Variants in LNPEP observed in about 807,000 individuals in gnomAD.
LNPEP encodes leucyl and cystinyl aminopeptidase.
In LNPEP, 64 loss-of-function variants were observed where a neutral mutation model predicts 120.6. The ratio of observed to expected loss-of-function variants is 0.53; its 90% CI spans 0.43 to 0.65. LNPEP has a LOEUF of 0.65. LNPEP is among the 30% of genes least tolerant of loss of function. LNPEP has a pLI of 0.00. For synonymous variants in LNPEP, 435 were observed against 425.4 expected, an observed-to-expected ratio of 1.02 and a Z score of -0.28; for missense variants, 1,057 against 1,200.0, an observed-to-expected ratio of 0.88 and a Z score of 1.76.
intron 11 of LNPEP, among the ~76,000 whole-genome samples, chr5:97,008,666 T>C (rs1790850587): frequency 1.5e-5 from 2 of 136,748 alleles, no homozygotes. Flanking sequence ...TTTACTCTTT[T>C]TTTTTTTTTT....
intron 1 of LNPEP, among the ~76,000 whole-genome samples, chr5:96,958,120 G>A (rs1186334350): frequency 6.6e-6 from 1 of 152,302 alleles, no homozygotes; most frequent in African/African-American, 2.4e-5. Context: ...AAAGGAAATG[G>A]AACAATATTA....
In LNPEP at chr5:97,006,446, C is replaced by G; in HGVS notation, c.1966C>G (p.Leu656Val). 6.3e-7 allele frequency: 1 copy of G among 1,574,972 alleles called. No homozygotes were observed. Among genetic ancestry groups the G allele is most frequent in the Non-Finnish European group, 8.7e-7 (1 of 1,146,642 alleles). Reference protein sequence around the residue: ...SDTSYLWHIPLSYVTEGRNYS... With the variant: ...SDTSYLWHIPVSYVTEGRNYS... ...TTACAGCTACCTGTGGCATATTCCA[C>G]TATCCTATGTCACTGAAGGAAGAAA... is the stretch of plus-strand genomic sequence containing the variant. The change falls in exon 11 of 18, where the codon CTA (leucine) becomes GTA (valine). Residue 656 changes from leucine (L) to valine (V), a missense_variant. Transcript: ENST00000231368.
chr5:97,027,872 G>A, intron 17 of LNPEP, 58 bp downstream of exon 17: 3 of 1,016,384 alleles, frequency 3.0e-6, no homozygotes, highest in Non-Finnish European at 4.7e-6. Flanking sequence ...ACCCGGACCA[G>A]GCTGCTCAGT....
chr5:96,995,327 C>T (rs17531068), intron 6 of LNPEP, among the ~76,000 whole-genome samples: 5,720 of 152,190 alleles, frequency 0.038, 187 homozygotes, highest in Middle Eastern at 0.11. Context: ...CTCGTCCTTT[C>T]GCTGCTGATT....
intron 1 of LNPEP, chr5:96,936,613 G>C (rs1268993984): frequency 1.3e-5 from 2 of 154,458 alleles, no homozygotes; most frequent in African/African-American, 2.4e-5. Flanking sequence ...GTGAGCTGCC[G>C]GCGTGACTTT....
chr5:96,994,168 A>G (rs1790454557), intron 6 of LNPEP, among the ~76,000 whole-genome samples, 197 bp downstream of exon 6: 1 of 152,172 alleles, frequency 6.6e-6, no homozygotes, highest in Non-Finnish European at 1.5e-5. Flanking sequence ...AGGTTAAAGC[A>G]TTTTCACATC....
Position 96,979,692 on chromosome 5 carries a change from G to T in LNPEP, c.574G>T (p.Gly192Cys). Reference sequence around the variant, plus strand: ...GAACCTAACCTCGATGACATTCAGGGGTTCTGTGACAATTTCAGTTCAGGC... The same window carrying T: ...GAACCTAACCTCGATGACATTCAGGTGTTCTGTGACAATTTCAGTTCAGGC... ...HPNLTSMTFR[G>C]SVTISVQALQ... The change falls in exon 2 of 18, where the codon GGT (glycine) becomes TGT (cysteine). Residue 192 changes from glycine to cysteine, a missense_variant. Gly to Cys is a radical substitution (Grantham distance 159). Transcript: ENST00000231368. The T allele has an allele frequency of 6.2e-7, 1 of 1,613,984 alleles. No individual in the cohort carries two copies. Among genetic ancestry groups the T allele is most frequent in the South Asian group, 1.1e-5 (1 of 91,076 alleles).
chr5:97,000,705 G>A (rs1790628815), intron 8 of LNPEP, among the ~76,000 whole-genome samples: 1 of 152,162 alleles, frequency 6.6e-6, no homozygotes, highest in East Asian at 1.9e-4. Context: ...TTTGTGCCTG[G>A]TTTCCTCTGG....
intron 1 of LNPEP, chr5:96,936,479 TGGCAGCTCA>T (rs1461888168): frequency 3.3e-6 from 1 of 307,560 alleles, no homozygotes; most frequent in African/African-American, 2.2e-5. Flanking sequence ...GTGGGAAAGT[TGGCAGCTCA>T]GGTTTGCCCC....
At chr5:96,954,747 CACATAT>C (rs1789411248) in intron 1 of LNPEP, among the ~76,000 whole-genome samples, 1 of 43,086 alleles carries the variant, frequency 2.3e-5, no homozygotes, top group African/African-American at 1.0e-4. Flanking sequence ...TATATATATA[CACATAT>C]ATATATATAT....
At chr5:96,972,352 T>C (rs1170251237) in intron 1 of LNPEP, among the ~76,000 whole-genome samples, 1 of 152,142 alleles carries the variant, frequency 6.6e-6, no homozygotes, top group African/African-American at 2.4e-5. Context: ...TTTCTAGTGT[T>C]TCAAGCTGAT....
chr5:96,988,339 C>CTCT, intron 4 of LNPEP, among the ~76,000 whole-genome samples: 1 of 125,202 alleles, frequency 8.0e-6, no homozygotes, highest in African/African-American at 3.1e-5. Context: ...TTTTTCTTTT[C>CTCT]TTTTTTTTTT....
At chr5:96,958,377 A>G (rs780829776) in intron 1 of LNPEP, 1 of 608,784 alleles carries the variant, frequency 1.6e-6, no homozygotes, top group Non-Finnish European at 2.1e-6. Context: ...TTCTTCATCT[A>G]TTTTGCAAGT....
chr5:96,944,033 G>A lies in LNPEP; in HGVS notation c.19+7859G>A, dbSNP rs114330041. ...CAGTGAGAAAAGGATGCCTCTATGGGTTGGGTGTGCTCCCTTCCTCTTGCA... is the reference window on the plus strand; with the variant it reads ...CAGTGAGAAAAGGATGCCTCTATGGATTGGGTGTGCTCCCTTCCTCTTGCA... On this transcript the variant is annotated intron_variant, in intron 1 of 17. Transcript: ENST00000231368. Among the ~76,000 whole-genome samples the A allele has an allele frequency of 4.2e-3, 636 of 152,288 alleles. 9 individuals carry two copies. Among genetic ancestry groups the A allele is most frequent in the African/African-American group, 0.014 (591 of 41,564 alleles).
chr5:97,020,756 C>T (rs1362622741), intron 13 of LNPEP, among the ~76,000 whole-genome samples: 2 of 152,028 alleles, frequency 1.3e-5, no homozygotes, highest in African/African-American at 4.8e-5. Flanking sequence ...GAGCTGAGAT[C>T]GCACCACTGC....
intron 9 of LNPEP, among the ~76,000 whole-genome samples, chr5:97,004,311 G>A (rs1424981296): frequency 6.6e-6 from 1 of 152,114 alleles, no homozygotes; most frequent in Non-Finnish European, 1.5e-5. Context: ...TCAGGAGTTC[G>A]AGACCAGCCT....
At position 97,026,793 on chromosome 5, in the gene LNPEP, CT is replaced by C. The variant is rs751719206; in HGVS notation, c.2864+37del. 3 of 1,570,988 alleles carry C rather than the reference CT, an allele frequency of 1.9e-6. No homozygotes were observed. The Admixed American group carries it at 5.3e-5, about 28-fold the overall frequency. ...CAGAGAATTATTAACTTTTAGTATT[CT>C]CAAGTTGTGCATTTGAAAAAAGCTC... On this transcript the variant is annotated intron_variant, in intron 16 of 17. Transcript: ENST00000231368.
chr5:97,006,395 G>A (rs747048349), intron 10 of LNPEP, 32 bp from the exon 11 acceptor site: 10 of 1,329,554 alleles, frequency 7.5e-6, no homozygotes, highest in South Asian at 1.3e-5. Context: ...AAAATCATAT[G>A]TAACTAATTT....
chr5:96,954,786 T>A (rs1789421770), intron 1 of LNPEP, among the ~76,000 whole-genome samples: 1 of 83,390 alleles, frequency 1.2e-5, no homozygotes, highest in East Asian at 3.2e-4. Context: ...TTTTTTTTTT[T>A]TTTTTTTTTT....
Sources: gnomAD v4.1 joint callset for allele counts (sites outside exome capture counted in the v4.1 genomes callset) on GRCh38, gnomAD v4.1.1 for gene constraint, MANE v1.5 for transcripts, NCBI Gene and HGNC (gene_info 2026-07-23, HGNC 2026-07-21) for gene names.